The following BAIAP2L1 variants were observed in gnomAD, a reference collection of about 807,000 sequenced individuals.
BAIAP2L1 encodes the protein BAR/IMD domain containing adaptor protein 2 like 1.
A neutral mutation model predicts 66.3 loss-of-function variants in BAIAP2L1; 35 were observed. That is an observed-to-expected ratio of 0.53 (90% CI 0.40 to 0.70). BAIAP2L1 has a LOEUF of 0.70. BAIAP2L1 is among the 30% of genes least tolerant of loss of function. The probability of loss-of-function intolerance (pLI) is 0.00; values close to 1 mark genes in which losing one functional copy is unlikely to be tolerated. For synonymous variants in BAIAP2L1, 269 were observed against 248.7 expected (o/e 1.08, Z -0.77); for missense variants, 622 against 656.9 (o/e 0.95, Z 0.58).
At chr7:98,392,870 G>GCCTCC (rs1554341791) in intron 1 of BAIAP2L1, among the ~76,000 whole-genome samples, 1 of 150,924 alleles carries the variant, frequency 6.6e-6, no homozygotes, top group Non-Finnish European at 1.5e-5. Context: ...TCAGCTCACT[G>GCCTCC]CAACCTCCGC....
intron 2 of BAIAP2L1, among the ~76,000 whole-genome samples, chr7:98,359,485 C>T (rs2115714635): frequency 6.6e-6 from 1 of 152,240 alleles, no homozygotes; most frequent in South Asian, 2.1e-4. Context: ...GTTGGCCAGC[C>T]TGGTCTCAAT....
chr7:98,353,703 T>C (rs932876641), intron 3 of BAIAP2L1, among the ~76,000 whole-genome samples: 3 of 146,724 alleles, frequency 2.0e-5, no homozygotes, highest in Admixed American at 7.1e-5. Flanking sequence ...CTCACACCTG[T>C]AATCTCAGTA....
intron 2 of BAIAP2L1, chr7:98,355,433 C>G: frequency 2.7e-6 from 1 of 373,974 alleles, no homozygotes; most frequent in Non-Finnish European, 5.1e-6. Flanking sequence ...GGATGCGTTC[C>G]TAACGTTGAA....
chr7:98,378,047 G>A (rs1802674496), intron 1 of BAIAP2L1, among the ~76,000 whole-genome samples: 1 of 151,900 alleles, frequency 6.6e-6, no homozygotes, highest in Non-Finnish European at 1.5e-5. Flanking sequence ...ACTGTGGGAA[G>A]CTGAGACAGG....
At chr7:98,399,073 G>T (rs2115875709) in intron 1 of BAIAP2L1, among the ~76,000 whole-genome samples, 1 of 152,194 alleles carries the variant, frequency 6.6e-6, no homozygotes, top group Admixed American at 6.5e-5. Flanking sequence ...TTACACACTT[G>T]GTCAGTACCC....
chr7:98,386,183 G>A (rs1802886620), intron 1 of BAIAP2L1: 1 of 1,562,772 alleles, frequency 6.4e-7, no homozygotes, highest in South Asian at 1.1e-5. Flanking sequence ...CAGAACAGAC[G>A]AAGCAAGTAA....
At chr7:98,400,676 G>A in intron 1 of BAIAP2L1, 126 bp downstream of exon 1, 2 of 1,113,552 alleles carry the variant, frequency 1.8e-6, no homozygotes, top group Non-Finnish European at 2.7e-6. Flanking sequence ...GGGAGAGACC[G>A]GGAGAGGTGG....
intron 2 of BAIAP2L1, among the ~76,000 whole-genome samples, chr7:98,357,208 T>C (rs1802158299): frequency 6.7e-6 from 1 of 149,088 alleles, no homozygotes; most frequent in Admixed American, 6.8e-5. Flanking sequence ...CAGCTGAAGG[T>C]ATGAAAAGCC....
intron 1 of BAIAP2L1, chr7:98,400,253 A>T (rs1462974901): frequency 1.6e-5 from 2 of 123,104 alleles, no homozygotes; most frequent in East Asian, 5.1e-4. Context: ...AGGGAAGAGG[A>T]GAAGGGACGG....
chr7:98,326,460 T>G, intron 3 of BAIAP2L1, among the ~76,000 whole-genome samples: 1 of 152,088 alleles, frequency 6.6e-6, no homozygotes, highest in East Asian at 1.9e-4. Context: ...TACACTGTGC[T>G]CAAAACTAAC....
Position 98,292,652 on chromosome 7 carries a change from TC to T in BAIAP2L1, c.*868del. 1 of 1,551,656 alleles carries T rather than the reference TC, an allele frequency of 6.4e-7. No homozygotes were observed. The highest frequency in any genetic ancestry group is 8.7e-7 in the Non-Finnish European group (1 of 1,146,990). On this transcript the variant is annotated 3_prime_UTR_variant, in exon 14 of 14. Coordinates refer to ENST00000005260, the MANE Select transcript of BAIAP2L1 (RefSeq NM_018842.5). ...GCCCTTCTCCAGGCACCAGAGGTCATCCTGGCTTTACACGTATCCTTTGAGA... is the reference window on the plus strand; with the variant it reads ...GCCCTTCTCCAGGCACCAGAGGTCATCTGGCTTTACACGTATCCTTTGAGA...
chr7:98,324,400 G>A (rs1801327928), intron 3 of BAIAP2L1, among the ~76,000 whole-genome samples: 2 of 152,196 alleles, frequency 1.3e-5, no homozygotes, highest in Non-Finnish European at 2.9e-5. Flanking sequence ...ATGGTTAATG[G>A]TGGTATCACT....
intron 11 of BAIAP2L1, 98 bp from the exon 12 acceptor site, chr7:98,304,474 C>T (rs1800555466): frequency 8.6e-7 from 1 of 1,168,260 alleles, no homozygotes; most frequent in Non-Finnish European, 1.2e-6. Context: ...AGTAATAGTA[C>T]ATCACCAATC....
intron 3 of BAIAP2L1, among the ~76,000 whole-genome samples, chr7:98,321,540 G>A (rs1033453077): frequency 6.6e-6 from 1 of 152,080 alleles, no homozygotes; most frequent in African/African-American, 2.4e-5. Context: ...TCACGCCCCC[G>A]GGTTTGCAAT....
At chr7:98,362,459 TAATAA>T in intron 1 of BAIAP2L1, 27 bp from the exon 2 acceptor site, 2 of 1,576,858 alleles carry the variant, frequency 1.3e-6, no homozygotes, top group Non-Finnish European at 1.7e-6. Flanking sequence ...ACACACAAAT[TAATAA>T]AATAAAAAAT....
At chr7:98,313,972 C>G (rs914583313) in intron 7 of BAIAP2L1, among the ~76,000 whole-genome samples, 3 of 137,866 alleles carry the variant, frequency 2.2e-5, no homozygotes, top group African/African-American at 7.9e-5. Context: ...CTGAATACTC[C>G]TTTTTCTTCC....
At chr7:98,392,388 C>T (rs868375243) in intron 1 of BAIAP2L1, among the ~76,000 whole-genome samples, 32 of 152,060 alleles carry the variant, frequency 2.1e-4, no homozygotes, top group Non-Finnish European at 3.8e-4. Flanking sequence ...CAGGGAAAGG[C>T]GCACTCTCAC....
chr7:98,307,607 C>A lies in BAIAP2L1; in HGVS notation c.1163+82G>T, dbSNP rs1368902204. 3 of 1,572,430 alleles carry A rather than the reference C, an allele frequency of 1.9e-6. No homozygotes were observed. The East Asian group carries it at 6.8e-5, about 36-fold the overall frequency. Reference sequence around the variant, plus strand: ...ACTTTGGCTAAAATGTGAGCATGTCCACGAAGACAGTTTGCAGCTTGGCTG... The same window carrying A: ...ACTTTGGCTAAAATGTGAGCATGTCAACGAAGACAGTTTGCAGCTTGGCTG... On this transcript the variant is annotated intron_variant, in intron 10 of 13. Transcript: ENST00000005260.
chr7:98,315,665 T>A (rs1801053404), intron 6 of BAIAP2L1, 53 bp from the exon 7 acceptor site: 2 of 938,138 alleles, frequency 2.1e-6, no homozygotes, highest in South Asian at 4.3e-5. Flanking sequence ...GACATGAGCA[T>A]CAGATAGCGT....
Sources: allele counts gnomAD v4.1 joint callset (sites outside exome capture counted in the v4.1 genomes callset), GRCh38; gene constraint gnomAD v4.1.1; transcripts MANE v1.5; gene names NCBI Gene and HGNC (gene_info 2026-07-23, HGNC 2026-07-21).